BABAM2: variants seen among roughly 807,000 people sequenced by gnomAD.
BABAM2 encodes BRISC and BRCA1-A complex member 2.
BABAM2 carries 31 observed loss-of-function variants against 54.7 expected under a neutral mutation model. The observed-to-expected ratio is 0.57, with a 90% CI of 0.43 to 0.77. BABAM2 has a LOEUF of 0.77. Among genes scored for constraint, BABAM2 ranks in the 30% least tolerant of loss-of-function variants. The pLI is 0.00. For synonymous variants in BABAM2, 167 were observed against 162.9 expected, an observed-to-expected ratio of 1.03 and a Z score of -0.19; for missense variants, 364 against 455.8, an observed-to-expected ratio of 0.80 and a Z score of 1.83.
intron 10 of BABAM2, among the ~76,000 whole-genome samples, chr2:28,246,186 C>T (rs17738903): frequency 0.011 from 1,625 of 152,284 alleles, 11 homozygotes; most frequent in Non-Finnish European, 0.017. Context: ...ACAATCAAGG[C>T]CTCCTGGCAA....
chr2:27,909,903 C>A (rs1424436627), intron 2 of BABAM2, among the ~76,000 whole-genome samples: 1 of 152,122 alleles, frequency 6.6e-6, no homozygotes, highest in African/African-American at 2.4e-5. Flanking sequence ...AGTAATATAA[C>A]AATAGCTGTT....
chr2:28,004,960 G>A (rs1171806510), intron 4 of BABAM2, among the ~76,000 whole-genome samples: 1 of 152,170 alleles, frequency 6.6e-6, no homozygotes, highest in East Asian at 1.9e-4. Context: ...AGCAAAATGT[G>A]TCTCAATGAG....
At chr2:28,047,736 A>G (rs1052945406) in intron 6 of BABAM2, among the ~76,000 whole-genome samples, 2 of 152,262 alleles carry the variant, frequency 1.3e-5, no homozygotes, top group African/African-American at 4.8e-5. Flanking sequence ...TGTCTCTTCT[A>G]TAGATAAAAT....
At chr2:28,274,899 T>C (rs554131564) in intron 10 of BABAM2, among the ~76,000 whole-genome samples, 1 of 152,314 alleles carries the variant, frequency 6.6e-6, no homozygotes, top group East Asian at 1.9e-4. Context: ...CTTTGTGGGC[T>C]GAGGCTGAGT....
intron 7 of BABAM2, among the ~76,000 whole-genome samples, chr2:28,144,995 A>G (rs1316477964): frequency 1.3e-5 from 2 of 152,216 alleles, no homozygotes; most frequent in Non-Finnish European, 2.9e-5. Flanking sequence ...CACCTGCATC[A>G]ACATGAGGTT....
At chr2:28,135,390 C>T (rs967420176) in intron 7 of BABAM2, among the ~76,000 whole-genome samples, 3 of 151,888 alleles carry the variant, frequency 2.0e-5, no homozygotes, top group Non-Finnish European at 4.4e-5. Flanking sequence ...TAGATCCTTC[C>T]TTGTCTCCTT....
rs912638998 is a variant in BABAM2, at chr2:28,221,390, C to T, written c.681-15812C>T. On this transcript the variant is annotated intron_variant, in intron 7 of 11. Transcript: ENST00000379624. ...ATTTACTGAGAAACACGAAGTACGT[C>T]GATTTAGTATGTTTGCAGTGTTGCC... is the stretch of plus-strand genomic sequence containing the variant. 5.9e-5 allele frequency among the ~76,000 whole-genome samples: 9 copies of T among 152,210 alleles called. No individual in the cohort carries two copies. In the East Asian group the frequency reaches 1.4e-3, roughly 23 times the overall value.
At chr2:27,937,254 AC>A (rs1668552241) in intron 3 of BABAM2, among the ~76,000 whole-genome samples, 1 of 152,190 alleles carries the variant, frequency 6.6e-6, no homozygotes, top group Non-Finnish European at 1.5e-5. Context: ...GGGAATAATG[AC>A]AAAAGTCTGT....
At chr2:28,001,702 A>G (rs958020823) in intron 4 of BABAM2, among the ~76,000 whole-genome samples, 10 of 152,150 alleles carry the variant, frequency 6.6e-5, no homozygotes, top group Non-Finnish European at 1.3e-4. Flanking sequence ...ATCATGGCAG[A>G]AGGCAAAGGG....
At chr2:28,003,678 C>G (rs1337241446) in intron 4 of BABAM2, among the ~76,000 whole-genome samples, 2 of 152,086 alleles carry the variant, frequency 1.3e-5, no homozygotes, top group Non-Finnish European at 2.9e-5. Flanking sequence ...CGAGACAGAT[C>G]TGAACTCTAG....
intron 7 of BABAM2, among the ~76,000 whole-genome samples, chr2:28,205,373 C>A (rs190340873): frequency 6.6e-6 from 1 of 152,016 alleles, no homozygotes; most frequent in Non-Finnish European, 1.5e-5. Flanking sequence ...CATGATGGCA[C>A]GTGCCTGTGG....
At chr2:28,310,135 T>G (rs1286715367) in intron 11 of BABAM2, 2 of 1,614,026 alleles carry the variant, frequency 1.2e-6, no homozygotes, top group Non-Finnish European at 1.7e-6. Flanking sequence ...CATCCAGGCA[T>G]CCTCTCCAAA....
intron 10 of BABAM2, among the ~76,000 whole-genome samples, chr2:28,266,425 G>C (rs1684993258): frequency 1.3e-5 from 2 of 152,210 alleles, no homozygotes; most frequent in African/African-American, 2.4e-5. Context: ...TAATTCAAAG[G>C]CTCAGCACCT....
At chr2:28,151,048 G>A (rs997498576) in intron 7 of BABAM2, among the ~76,000 whole-genome samples, 6 of 152,158 alleles carry the variant, frequency 3.9e-5, no homozygotes, top group Admixed American at 2.6e-4. Context: ...GGGTAAGATG[G>A]TTATCGATAG....
chr2:28,278,588 A>G (rs967368331), intron 10 of BABAM2, among the ~76,000 whole-genome samples: 6 of 152,208 alleles, frequency 3.9e-5, no homozygotes, highest in Admixed American at 3.9e-4. Context: ...TGTTTATGTG[A>G]TAAGCAGATG....
chr2:28,337,819 TGTGAAAAA>T, intron 11 of BABAM2, among the ~76,000 whole-genome samples: 1 of 152,122 alleles, frequency 6.6e-6, no homozygotes, highest in Non-Finnish European at 1.5e-5. Flanking sequence ...ACCCTGTCTC[TGTGAAAAA>T]ATGAAAAAAC....
intron 7 of BABAM2, among the ~76,000 whole-genome samples, chr2:28,191,172 T>C (rs568691154): frequency 4.6e-5 from 7 of 152,280 alleles, no homozygotes; most frequent in South Asian, 4.1e-4. Flanking sequence ...TACGTAGTCA[T>C]TGGGGAAATG....
chr2:27,964,751 A>G (rs1670718628), intron 3 of BABAM2, among the ~76,000 whole-genome samples: 1 of 152,196 alleles, frequency 6.6e-6, no homozygotes, highest in Non-Finnish European at 1.5e-5. Flanking sequence ...TTTAGGTTTT[A>G]TAAATTGTCC....
chr2:28,326,222 C>T (rs1163965100), intron 11 of BABAM2, among the ~76,000 whole-genome samples: 1 of 152,192 alleles, frequency 6.6e-6, no homozygotes, highest in Non-Finnish European at 1.5e-5. Flanking sequence ...CCACTTTTCC[C>T]AGCAGGTGAG....
Sources: allele counts gnomAD v4.1 joint callset (sites outside exome capture counted in the v4.1 genomes callset), GRCh38; gene constraint gnomAD v4.1.1; transcripts MANE v1.5; gene names NCBI Gene and HGNC (gene_info 2026-07-23, HGNC 2026-07-21).